SYNJ2: variants seen among roughly 807,000 people sequenced by gnomAD.
SYNJ2 encodes the protein synaptojanin 2.
Under a neutral mutation model 141.3 loss-of-function variants are expected in SYNJ2, and 116 were observed. The ratio of observed to expected loss-of-function variants is 0.82; its 90% CI spans 0.71 to 0.96. The LOEUF (loss-of-function observed/expected upper bound fraction) is 0.96. SYNJ2 is among the 40% of genes least tolerant of loss of function. The pLI is 0.00. For missense variants in SYNJ2, 1,873 were observed against 1,934.8 expected (o/e 0.97, Z 0.60); for synonymous variants, 745 against 777.7 (o/e 0.96, Z 0.70).
chr6:158,028,988 G>A lies in SYNJ2; in HGVS notation c.447G>A (p.Gln149=). 6.2e-7 allele frequency: 1 copy of A among 1,609,578 alleles called. No individual in the cohort carries two copies. Among genetic ancestry groups the A allele is most frequent in the East Asian group, 2.2e-5 (1 of 44,698 alleles). The change falls in exon 3 of 27, where the codon CAG becomes CAA. Residue 149 remains glutamine, a synonymous_variant. Transcript: ENST00000355585. ...RFDLTVRTQK[Q]GDDSSEWGNS... ...ACCTGACTGTCCGCACGCAGAAGCA[G>A]GGGGATGACAGCTCTGAATGGGGGA...
In SYNJ2 at chr6:158,095,813, G is replaced by A; in HGVS notation, c.3940G>A (p.Gly1314Arg). 6.8e-6 allele frequency: 11 copies of A among 1,614,108 alleles called. No individual in the cohort carries two copies. The highest frequency in any genetic ancestry group is 8.5e-6 in the Non-Finnish European group (10 of 1,180,012). The change falls in exon 27 of 27, where the codon GGG becomes AGG. Residue 1314 changes from glycine to arginine, a missense_variant. Gly to Arg is a moderately radical substitution (Grantham distance 125). Transcript: ENST00000355585. The stretch of plus-strand genomic sequence containing the variant: ...GCCAGCATCAGACGAAGCCCCTCCT[G>A]GGGCAGGAGCCTCTGTGCCACCACC... ...RKPASDEAPP[G>R]AGASVPPPLE...
chr6:157,982,930 A>C lies in SYNJ2; in HGVS notation c.127+842A>C, dbSNP rs924422680. Among the ~76,000 whole-genome samples the C allele has an allele frequency of 6.6e-6, 1 of 152,132 alleles. No homozygotes were observed. Among genetic ancestry groups the C allele is most frequent in the Non-Finnish European group, 1.5e-5 (1 of 68,008 alleles). The stretch of plus-strand genomic sequence containing the variant: ...CTGGGTCCCTTGTTTTGTGCTAACC[A>C]TTATAAGGAAAACCTGGGTAGCACC... On this transcript the variant is annotated intron_variant, in intron 1 of 26. Coordinates refer to ENST00000355585, the MANE Select transcript of SYNJ2 (RefSeq NM_003898.4). This position sits in a 1 kb window ranked among gnomAD's most constrained non-coding sequence, Gnocchi z 4.0.
intron 1 of SYNJ2, among the ~76,000 whole-genome samples, chr6:157,995,355 C>A (rs2128317262): frequency 6.6e-6 from 1 of 152,138 alleles, no homozygotes. Flanking sequence ...AGGGGTGCTC[C>A]TATTAAAAAA....
At chr6:158,094,118 A>G (rs1319806993) in intron 26 of SYNJ2, 2 of 652,152 alleles carry the variant, frequency 3.1e-6, no homozygotes, top group Non-Finnish European at 5.5e-6. Flanking sequence ...CACTCTTGAC[A>G]GCGCTTGCTT....
At chr6:158,067,553 G>GT (rs1385535744) in intron 12 of SYNJ2, 1 of 985,414 alleles carries the variant, frequency 1.0e-6, no homozygotes, top group East Asian at 1.1e-4. Context: ...TCGGGCCTTG[G>GT]TTTTTTTGTT....
At chr6:158,057,810 A>C (rs1388166430) in intron 6 of SYNJ2, among the ~76,000 whole-genome samples, 2 of 152,232 alleles carry the variant, frequency 1.3e-5, no homozygotes, top group Non-Finnish European at 2.9e-5. Flanking sequence ...TGTCAGAGCC[A>C]GGCCTGGGAT....
At chr6:158,020,190 T>C (rs546267672) in intron 2 of SYNJ2, among the ~76,000 whole-genome samples, 4 of 128,156 alleles carry the variant, frequency 3.1e-5, no homozygotes, top group South Asian at 2.7e-4. Flanking sequence ...CCCCCACCTG[T>C]GTGACTCTGA....
intron 2 of SYNJ2, among the ~76,000 whole-genome samples, chr6:158,026,483 C>T (rs370185158): frequency 6.6e-5 from 10 of 152,270 alleles, no homozygotes; most frequent in East Asian, 1.9e-4. Context: ...CACCAGATAC[C>T]GGCTCTCCTC....
intron 22 of SYNJ2, among the ~76,000 whole-genome samples, chr6:158,085,804 G>A (rs966582625): frequency 5.3e-5 from 8 of 152,214 alleles, no homozygotes; most frequent in Non-Finnish European, 7.3e-5. Context: ...TAGGTTTGGG[G>A]ACTTCTGCCC....
intron 1 of SYNJ2, among the ~76,000 whole-genome samples, chr6:157,999,880 C>A (rs578130118): frequency 9.2e-5 from 14 of 152,060 alleles, no homozygotes; most frequent in African/African-American, 3.4e-4. Flanking sequence ...CGTGCAGCTC[C>A]GGTTAGTGGA....
chr6:158,006,200 T>G (rs1294797469), intron 1 of SYNJ2, among the ~76,000 whole-genome samples: 1 of 152,096 alleles, frequency 6.6e-6, no homozygotes, highest in Non-Finnish European at 1.5e-5. Flanking sequence ...CATGCACATA[T>G]GCACACGCAC....
intron 2 of SYNJ2, among the ~76,000 whole-genome samples, chr6:158,020,638 A>G (rs1205894259): frequency 6.7e-6 from 1 of 150,290 alleles, no homozygotes; most frequent in Admixed American, 6.6e-5. Context: ...CTGCGTGGCT[A>G]ACTCCACTGT....
chr6:157,990,845 G>C (rs1238956114), intron 1 of SYNJ2, among the ~76,000 whole-genome samples: 1 of 152,054 alleles, frequency 6.6e-6, no homozygotes, highest in East Asian at 1.9e-4. Flanking sequence ...GAATGTTCCA[G>C]TGATACCACC....
At chr6:158,074,816 A>G (rs1782164575) in intron 16 of SYNJ2, 78 bp downstream of exon 16, 1 of 1,530,776 alleles carries the variant, frequency 6.5e-7, no homozygotes, top group Non-Finnish European at 8.8e-7. Context: ...AGGCTGGTGC[A>G]GCAAATTCAG....
intron 2 of SYNJ2, among the ~76,000 whole-genome samples, chr6:158,025,991 A>G (rs1779023982): frequency 7.7e-6 from 1 of 130,676 alleles, no homozygotes; most frequent in Non-Finnish European, 1.7e-5. Context: ...ATACATACAT[A>G]CATACGTACA....
chr6:158,051,506 TA>T (rs111345675), intron 5 of SYNJ2, among the ~76,000 whole-genome samples: 31 of 150,118 alleles, frequency 2.1e-4, no homozygotes, highest in African/African-American at 6.6e-4. Flanking sequence ...AGCAAAAAAA[TA>T]AAAAAAAACC....
intron 1 of SYNJ2, among the ~76,000 whole-genome samples, chr6:158,013,959 G>C (rs9295279): frequency 0.66 from 100,793 of 151,630 alleles, 33,850 homozygotes; most frequent in Middle Eastern, 0.78. Flanking sequence ...GAGTGTTAAC[G>C]AATCAACACT....
intron 21 of SYNJ2, 112 bp downstream of exon 21, chr6:158,083,709 G>A (rs1025098785): frequency 2.2e-6 from 3 of 1,393,306 alleles, no homozygotes; most frequent in African/African-American, 1.4e-5. Flanking sequence ...GACACCCGCA[G>A]GGCAAGCCCT....
chr6:158,025,742 C>T (rs1229599694), intron 2 of SYNJ2, among the ~76,000 whole-genome samples: 4 of 152,160 alleles, frequency 2.6e-5, no homozygotes, highest in African/African-American at 9.6e-5. Context: ...CACCTGAGGT[C>T]GGGAGTTTGA....
Sources: allele counts gnomAD v4.1 joint callset (sites outside exome capture counted in the v4.1 genomes callset), GRCh38; gene constraint gnomAD v4.1.1; non-coding constraint Gnocchi (gnomAD v3.1); transcripts MANE v1.5; gene names NCBI Gene and HGNC (gene_info 2026-07-23, HGNC 2026-07-21).